TENM4: variants seen among roughly 807,000 people sequenced by gnomAD.
TENM4 encodes teneurin-4.
TENM4 carries 82 observed loss-of-function variants against 243.3 expected under a neutral mutation model. That is an observed-to-expected ratio of 0.34 (90% CI 0.28 to 0.40). The LOEUF (loss-of-function observed/expected upper bound fraction) is 0.40. Among genes scored for constraint, TENM4 ranks in the 10% least tolerant of loss-of-function variants. The pLI, the probability that TENM4 is intolerant of heterozygous loss-of-function variation, is 1.00. For synonymous variants in TENM4, 1,412 were observed against 1,456.3 expected, an observed-to-expected ratio of 0.97 and a Z score of 0.69; for missense variants, 3,138 against 3,673.3, an observed-to-expected ratio of 0.85 and a Z score of 3.77.
intron 2 of TENM4, among the ~76,000 whole-genome samples, chr11:79,249,968 C>G (rs1203398586): frequency 2.0e-5 from 3 of 152,194 alleles, no homozygotes; most frequent in South Asian, 2.1e-4. Context: ...AGCACACTGC[C>G]TATTTGTGCC....
chr11:78,968,052 C>G (rs997089070), intron 6 of TENM4, among the ~76,000 whole-genome samples: 2 of 152,342 alleles, frequency 1.3e-5, no homozygotes, highest in South Asian at 4.1e-4. Context: ...TGCCCTCCCC[C>G]TGGAAATGAA....
At chr11:79,158,502 T>C (rs1862671086) in intron 3 of TENM4, among the ~76,000 whole-genome samples, 1 of 152,202 alleles carries the variant, frequency 6.6e-6, no homozygotes. Context: ...ACCCTTGCAT[T>C]GGTGCAATGA....
chr11:79,178,682 G>C (rs965137202), intron 3 of TENM4, among the ~76,000 whole-genome samples: 1 of 152,298 alleles, frequency 6.6e-6, no homozygotes, highest in Admixed American at 6.5e-5. Flanking sequence ...GGATAGCGGG[G>C]AGAAAGGTTG....
At chr11:79,252,258 T>C (rs1855624000) in intron 2 of TENM4, among the ~76,000 whole-genome samples, 1 of 152,174 alleles carries the variant, frequency 6.6e-6, no homozygotes, top group African/African-American at 2.4e-5. Flanking sequence ...TTTTTGAGAC[T>C]GAGTCTTGCT....
At position 79,106,830 on chromosome 11, in the gene TENM4, A is replaced by C. The variant is rs568247199; in HGVS notation, c.-65-36821T>G. On this transcript the variant is annotated intron_variant, in intron 4 of 33. Coordinates refer to ENST00000278550, the MANE Select transcript of TENM4 (RefSeq NM_001098816.3). Reference sequence around the variant, plus strand: ...GTTGGTAACTTTACCTCTTCATGGCAGCTGCCAAGTGAGCTATAATGTAAG... The same window carrying C: ...GTTGGTAACTTTACCTCTTCATGGCCGCTGCCAAGTGAGCTATAATGTAAG... Among the ~76,000 whole-genome samples, 4 of 152,352 alleles carry C rather than the reference A, an allele frequency of 2.6e-5. No homozygotes were observed. In the South Asian group the frequency reaches 8.3e-4, roughly 32 times the overall value.
At chr11:79,389,113 T>C (rs577313235) in intron 1 of TENM4, among the ~76,000 whole-genome samples, 1 of 152,262 alleles carries the variant, frequency 6.6e-6, no homozygotes, top group African/African-American at 2.4e-5. Flanking sequence ...CAAATCATAC[T>C]GATATCTTGC....
chr11:79,116,393 C>T (rs1861621505), intron 4 of TENM4, among the ~76,000 whole-genome samples: 1 of 152,180 alleles, frequency 6.6e-6, no homozygotes, highest in African/African-American at 2.4e-5. Context: ...GGCACCACAG[C>T]CTGCTTGTTT....
At position 78,805,235 on chromosome 11, in the gene TENM4, C is replaced by A. The variant is rs1402816198; in HGVS notation, c.2179+57G>T. On this transcript the variant is annotated intron_variant, in intron 15 of 33. Transcript: ENST00000278550. ...TGGGAACAGTCACGTGATTGGTGACCATGTCACAGTGGAAATCCCCTCCCT... is the reference window on the plus strand; with the variant it reads ...TGGGAACAGTCACGTGATTGGTGACAATGTCACAGTGGAAATCCCCTCCCT... 2.4e-6 allele frequency: 3 copies of A among 1,233,076 alleles called. No individual in the cohort carries two copies. The Admixed American group carries it at 7.3e-5, about 30-fold the overall frequency. The allele number at this position is 1,233,076 out of a possible 1,614,324, so 76.4% of individuals were successfully genotyped here.
At position 79,272,817 on chromosome 11, in the gene TENM4, A is replaced by C. The variant is rs555621635; in HGVS notation, c.-265+24671T>G. On this transcript the variant is annotated intron_variant, in intron 2 of 33. Coordinates refer to ENST00000278550, the MANE Select transcript of TENM4 (RefSeq NM_001098816.3). ...ACATGCTGCCATGGCATTCCATATT[A>C]AATGGATTGTAATTGCTTGGGTTTC... Among the ~76,000 whole-genome samples, 3 of 152,248 alleles carry C rather than the reference A, an allele frequency of 2.0e-5. No homozygotes were observed. The South Asian group carries it at 6.2e-4, about 32-fold the overall frequency.
intron 1 of TENM4, among the ~76,000 whole-genome samples, chr11:79,302,858 C>T (rs1856571613): frequency 2.0e-5 from 3 of 152,174 alleles, no homozygotes; most frequent in African/African-American, 7.2e-5. Flanking sequence ...CCACAAAGCA[C>T]CTTAGGCATA....
At chr11:79,094,370 C>G (rs1017185571) in intron 4 of TENM4, among the ~76,000 whole-genome samples, 1 of 152,140 alleles carries the variant, frequency 6.6e-6, no homozygotes, top group African/African-American at 2.4e-5. Context: ...GATGAAGACA[C>G]GGAGCTCAGG....
intron 2 of TENM4, among the ~76,000 whole-genome samples, chr11:79,236,499 C>T (rs1311301548): frequency 1.3e-5 from 2 of 152,164 alleles, no homozygotes; most frequent in African/African-American, 2.4e-5. Flanking sequence ...CTCTCTTTCT[C>T]GCGCTGTGAT....
At chr11:79,174,886 C>T (rs566326383) in intron 3 of TENM4, among the ~76,000 whole-genome samples, 3 of 152,318 alleles carry the variant, frequency 2.0e-5, no homozygotes, top group South Asian at 2.1e-4. Context: ...TAGTGGTTGT[C>T]CTTAATCCTG....
intron 2 of TENM4, among the ~76,000 whole-genome samples, chr11:79,251,140 T>G (rs2135303832): frequency 6.6e-6 from 1 of 152,300 alleles, no homozygotes; most frequent in Non-Finnish European, 1.5e-5. Context: ...AGCTAGAGGC[T>G]AGAGTTTTAA....
At chr11:79,037,384 C>T (rs1025908323) in intron 6 of TENM4, among the ~76,000 whole-genome samples, 8 of 152,210 alleles carry the variant, frequency 5.3e-5, no homozygotes, top group Admixed American at 2.0e-4. Flanking sequence ...GGAGTTAATC[C>T]GATGGCCAGA....
At chr11:78,846,440 C>G (rs1858394060) in intron 12 of TENM4, among the ~76,000 whole-genome samples, 1 of 152,184 alleles carries the variant, frequency 6.6e-6, no homozygotes, top group Non-Finnish European at 1.5e-5. Flanking sequence ...ACATGAAAGG[C>G]AATGAGTAAA....
chr11:79,048,591 G>A (rs555389465), intron 6 of TENM4, among the ~76,000 whole-genome samples: 8 of 152,140 alleles, frequency 5.3e-5, no homozygotes, highest in Middle Eastern at 3.4e-3. Flanking sequence ...GTCTGTGATC[G>A]TGTCTTGGTT....
chr11:79,045,969 T>C (rs1859645253), intron 6 of TENM4, among the ~76,000 whole-genome samples: 1 of 152,250 alleles, frequency 6.6e-6, no homozygotes, highest in Non-Finnish European at 1.5e-5. Context: ...GTAACTGCAC[T>C]GACATTGTCA....
intron 3 of TENM4, among the ~76,000 whole-genome samples, chr11:79,158,808 T>C (rs1481379283): frequency 6.6e-6 from 1 of 152,170 alleles, no homozygotes; most frequent in Non-Finnish European, 1.5e-5. Context: ...ACCAATTCTC[T>C]GACTCTAAAT....
Sources: gnomAD v4.1 joint callset for allele counts (sites outside exome capture counted in the v4.1 genomes callset) on GRCh38, gnomAD v4.1.1 for gene constraint, MANE v1.5 for transcripts, NCBI Gene and HGNC (gene_info 2026-07-23, HGNC 2026-07-21) for gene names.